The following EPS8 variants were observed in gnomAD, a reference collection of about 807,000 sequenced individuals.
The protein encoded by EPS8 is epidermal growth factor receptor kinase substrate 8.
EPS8 carries 42 observed loss-of-function variants against 103.8 expected under a neutral mutation model. That is an observed-to-expected ratio of 0.40 (90% CI 0.32 to 0.52). The LOEUF is 0.52. Among genes scored for constraint, EPS8 ranks in the 20% least tolerant of loss-of-function variants. The probability of loss-of-function intolerance (pLI) is 0.40; values close to 1 mark genes in which losing one functional copy is unlikely to be tolerated. For synonymous variants in EPS8, 344 were observed against 344.6 expected (o/e 1.00, Z 0.02); for missense variants, 969 against 1,005.1 (o/e 0.96, Z 0.49).
intron 1 of EPS8, among the ~76,000 whole-genome samples, chr12:15,689,117 T>C (rs921970473): frequency 2.6e-5 from 4 of 151,804 alleles, no homozygotes; most frequent in Non-Finnish European, 5.9e-5. Flanking sequence ...CAAACTCTGA[T>C]CTGACTGACT....
At chr12:15,720,912 G>A (rs1210897948) in intron 1 of EPS8, among the ~76,000 whole-genome samples, 1 of 152,106 alleles carries the variant, frequency 6.6e-6, no homozygotes, top group East Asian at 1.9e-4. Context: ...TGCTGTATGA[G>A]ATTATCTATC....
intron 14 of EPS8, among the ~76,000 whole-genome samples, chr12:15,649,290 A>T (rs1945372462): frequency 1.3e-5 from 2 of 152,198 alleles, no homozygotes; most frequent in Non-Finnish European, 2.9e-5. Flanking sequence ...GAAATCACAA[A>T]AGTGAATTTC....
In EPS8 at chr12:15,719,216, T is replaced by TATAC. The variant is rs200216763; in HGVS notation, c.-21-36245_-21-36244insGTAT. ...ATATAAACATACATATATATATATA[T>TATAC]ACACACATACATACATACTTACATA... On this transcript the variant is annotated intron_variant, in intron 1 of 20. Coordinates refer to ENST00000281172, the MANE Select transcript of EPS8 (RefSeq NM_004447.6). Among the ~76,000 whole-genome samples the TATAC allele has an allele frequency of 1.3e-3, 201 of 152,044 alleles. 5 individuals carry two copies. The East Asian group carries it at 0.036, about 28-fold the overall frequency.
chr12:15,752,728 AATGATG>A lies in EPS8; in HGVS notation c.-22+36427_-22+36432del, dbSNP rs1946946599. Among the ~76,000 whole-genome samples, 6 of 152,274 alleles carry A rather than the reference AATGATG, an allele frequency of 3.9e-5. No individual in the cohort carries two copies. In the South Asian group the frequency reaches 1.2e-3, roughly 32 times the overall value. On this transcript the variant is annotated intron_variant, in intron 1 of 20. Transcript: ENST00000281172. This position sits in a 1 kb window ranked among gnomAD's most constrained non-coding sequence, Gnocchi z 4.4. Reference sequence around the variant, plus strand: ...ATACCCCGACAGTGAAGATATTAATAATGATGATGTTGGTCATGATAAAAATAGTAG... The same window carrying A: ...ATACCCCGACAGTGAAGATATTAATAATGTTGGTCATGATAAAAATAGTAG...
chr12:15,634,053 A>G (rs957958538), intron 17 of EPS8, among the ~76,000 whole-genome samples: 1 of 152,206 alleles, frequency 6.6e-6, no homozygotes, highest in Non-Finnish European at 1.5e-5. Context: ...TGTCTTGGAG[A>G]ACAGAAGTGC....
intron 1 of EPS8, among the ~76,000 whole-genome samples, chr12:15,741,160 C>T (rs1190941226): frequency 6.6e-6 from 1 of 152,210 alleles, no homozygotes; most frequent in Admixed American, 6.5e-5. Flanking sequence ...GGTCCAGGAC[C>T]TTGTTCTGTG....
intron 1 of EPS8, among the ~76,000 whole-genome samples, chr12:15,758,736 T>C (rs557928946): frequency 6.6e-6 from 1 of 152,330 alleles, no homozygotes; most frequent in African/African-American, 2.4e-5. Flanking sequence ...GCTGATAATA[T>C]TCAATGAGTG....
intron 1 of EPS8, among the ~76,000 whole-genome samples, chr12:15,737,423 CCCT>C (rs761555172): frequency 2.0e-5 from 3 of 152,104 alleles, no homozygotes; most frequent in Non-Finnish European, 2.9e-5. Context: ...GAAGTTCCAT[CCCT>C]CCTCCTTTCT....
intron 1 of EPS8, among the ~76,000 whole-genome samples, chr12:15,739,057 A>T (rs573075865): frequency 2.6e-5 from 4 of 152,328 alleles, no homozygotes; most frequent in African/African-American, 9.6e-5. Context: ...CTATAATAAT[A>T]GCTAATACTC....
chr12:15,683,103 A>G (rs1193743177), intron 1 of EPS8, 131 bp from the exon 2 acceptor site: 2 of 520,722 alleles, frequency 3.8e-6, no homozygotes, highest in Non-Finnish European at 6.6e-6. Context: ...AAAGATCTCC[A>G]CCCTCAAAGA....
At position 15,734,587 on chromosome 12, in the gene EPS8, G is replaced by A. The variant is rs1361334065; in HGVS notation, c.-21-51615C>T. ...TGGGCGCCTGTGGTCCCAGCTACTCGGGAGGCTGAGGCAGGAGAATGGCGT... is the reference window on the plus strand; with the variant it reads ...TGGGCGCCTGTGGTCCCAGCTACTCAGGAGGCTGAGGCAGGAGAATGGCGT... On this transcript the variant is annotated intron_variant, in intron 1 of 20. Transcript: ENST00000281172. This position sits in a 1 kb window ranked among gnomAD's most constrained non-coding sequence, Gnocchi z 4.1. Among the ~76,000 whole-genome samples, 4 of 152,054 alleles carry A rather than the reference G, an allele frequency of 2.6e-5. No homozygotes were observed. Among genetic ancestry groups the A allele is most frequent in the Admixed American group, 6.5e-5 (1 of 15,270 alleles).
chr12:15,658,667 T>C (rs1241342719), intron 10 of EPS8, 82 bp from the exon 11 acceptor site: 2 of 922,118 alleles, frequency 2.2e-6, no homozygotes, highest in East Asian at 2.4e-5. Context: ...CACATTTATG[T>C]CTGTAAAGTT....
chr12:15,639,024 C>T (rs181088087), intron 17 of EPS8, among the ~76,000 whole-genome samples: 22 of 152,248 alleles, frequency 1.4e-4, no homozygotes, highest in Admixed American at 1.1e-3. Flanking sequence ...TTTATTTTAT[C>T]GCAGTTTGCT....
At position 15,761,489 on chromosome 12, in the gene EPS8, C is replaced by A. The variant is rs1440348658; in HGVS notation, c.-22+27672G>T. 1.3e-5 allele frequency among the ~76,000 whole-genome samples: 2 copies of A among 151,910 alleles called. No homozygotes were observed. Among genetic ancestry groups the A allele is most frequent in the Non-Finnish European group, 2.9e-5 (2 of 67,942 alleles). ...CCAGTATACCCAAAGCTATCCTAAT[C>A]AAAAAGAACAAAACTGGAAGAATCA... On this transcript the variant is annotated intron_variant, in intron 1 of 20. Coordinates refer to ENST00000281172, the MANE Select transcript of EPS8 (RefSeq NM_004447.6). The surrounding 1 kb of genome is among the most constrained non-coding windows in gnomAD (Gnocchi z 4.5).
chr12:15,662,666 A>G, intron 8 of EPS8: 1 of 985,358 alleles, frequency 1.0e-6, no homozygotes, highest in South Asian at 4.7e-5. Context: ...ATTAAAAAAT[A>G]AATGTCTTAA....
At position 15,650,933 on chromosome 12, in the gene EPS8, G is replaced by T. The variant is rs1417611290; in HGVS notation, c.1324C>A (p.Leu442Met). 1 of 1,613,944 alleles carries T rather than the reference G, an allele frequency of 6.2e-7. No homozygotes were observed. The highest frequency in any genetic ancestry group is 8.5e-7 in the Non-Finnish European group (1 of 1,179,946). Residue 442 changes from leucine to methionine, a missense_variant, in exon 14 of 21, where the codon CTG becomes ATG. Physicochemically the swap from Leu to Met is conservative, Grantham distance 15 (BLOSUM62 2). Transcript: ENST00000281172. ...TCCATTGTGGCTCCCATAAAGTTCA[G>T]CATTGGGGGCTCCCAGCCATTGCGG... The part of the protein sequence containing the change: ...RFRNGWEPPM[L>M]NFMGATMEQD...
At chr12:15,755,136 C>T (rs1383311104) in intron 1 of EPS8, among the ~76,000 whole-genome samples, 1 of 152,268 alleles carries the variant, frequency 6.6e-6, no homozygotes, top group East Asian at 1.9e-4. Context: ...TGACATCACT[C>T]ATCTAGAGGC....
At position 15,757,247 on chromosome 12, in the gene EPS8, C is replaced by G. The variant is rs558123496; in HGVS notation, c.-22+31914G>C. Reference sequence around the variant, plus strand: ...GTGGTGTAGAGTGAAATGTTCTTGACAAGAAACTTGGTGGAAGCTGATTCT... The same window carrying G: ...GTGGTGTAGAGTGAAATGTTCTTGAGAAGAAACTTGGTGGAAGCTGATTCT... On this transcript the variant is annotated intron_variant, in intron 1 of 20. Transcript: ENST00000281172. The surrounding 1 kb of genome is among the most constrained non-coding windows in gnomAD (Gnocchi z 4.1). Among the ~76,000 whole-genome samples the G allele has an allele frequency of 1.7e-4, 26 of 152,174 alleles. No homozygotes were observed. The highest frequency in any genetic ancestry group is 3.7e-4 in the Non-Finnish European group (25 of 68,008).
intron 1 of EPS8, among the ~76,000 whole-genome samples, chr12:15,743,985 T>A (rs559366098): frequency 1.2e-4 from 18 of 152,104 alleles, no homozygotes; most frequent in Non-Finnish European, 2.5e-4. Flanking sequence ...ACCTACAGTA[T>A]GGGAGAAAAT....
Sources: allele counts gnomAD v4.1 joint callset (sites outside exome capture counted in the v4.1 genomes callset), GRCh38; gene constraint gnomAD v4.1.1; non-coding constraint Gnocchi (gnomAD v3.1); transcripts MANE v1.5; gene names NCBI Gene and HGNC (gene_info 2026-07-23, HGNC 2026-07-21).